METTL15: variants seen among roughly 807,000 people sequenced by gnomAD.
METTL15 encodes the protein 12S rRNA N(4)-cytidine methyltransferase METTL15.
METTL15 carries 34 observed loss-of-function variants against 38.3 expected under a neutral mutation model. That is an observed-to-expected ratio of 0.89 (90% confidence interval 0.68 to 1.18). The LOEUF (loss-of-function observed/expected upper bound fraction) is 1.18. Ranked by LOEUF, METTL15 falls within the 50% of genes most tolerant of loss-of-function variation. METTL15 has a pLI of 0.00. For synonymous variants in METTL15, 162 were observed against 170.9 expected (o/e 0.95, Z 0.41); for missense variants, 438 against 498.4 (o/e 0.88, Z 1.15).
rs1313281295 is a variant in METTL15 at position 28,332,930 on chromosome 11, C to T, written c.*2089C>T. On this transcript the variant is annotated 3_prime_UTR_variant, in exon 7 of 7. Coordinates refer to ENST00000407364, the MANE Select transcript of METTL15 (RefSeq NM_001113528.2). Reference sequence around the variant, plus strand: ...CCAGTGTGAGCAACAGAACGAGACTCTGTCTCAAAAAAAAAAAAAAAAAGG... The same window carrying T: ...CCAGTGTGAGCAACAGAACGAGACTTTGTCTCAAAAAAAAAAAAAAAAAGG... 1 of 93,156 alleles carries T rather than the reference C, an allele frequency of 1.1e-5. No individual in the cohort carries two copies. The highest frequency in any genetic ancestry group is 2.0e-5 in the Non-Finnish European group (1 of 49,526). 5.8% of individuals were successfully genotyped at this position (93,156 alleles called of 1,614,324 possible).
At chr11:28,221,118 A>G (rs1030009014) in intron 4 of METTL15, among the ~76,000 whole-genome samples, 6 of 152,118 alleles carry the variant, frequency 3.9e-5, no homozygotes, top group Admixed American at 3.9e-4. Flanking sequence ...ACCTTGCTAG[A>G]TTGAGGAAGT....
At chr11:28,377,886 C>G (rs1850335632) in intron 5 of METTL15, among the ~76,000 whole-genome samples, 1 of 151,976 alleles carries the variant, frequency 6.6e-6, no homozygotes, top group Non-Finnish European at 1.5e-5. Context: ...ACAGGACCCT[C>G]AGCTGCAGGT....
chr11:28,226,206 G>A (rs1363918222), intron 4 of METTL15, among the ~76,000 whole-genome samples: 5 of 151,846 alleles, frequency 3.3e-5, no homozygotes, highest in Non-Finnish European at 5.9e-5. Context: ...GGTGTGAGTG[G>A]AACATTCTTA....
chr11:28,440,109 G>C (rs573774086), intron 6 of METTL15, among the ~76,000 whole-genome samples: 1 of 152,238 alleles, frequency 6.6e-6, no homozygotes, highest in East Asian at 1.9e-4. Flanking sequence ...GGTCCCCATA[G>C]AAAGCCATGA....
chr11:28,146,943 A>G (rs1238918734), intron 3 of METTL15, among the ~76,000 whole-genome samples: 1 of 151,930 alleles, frequency 6.6e-6, no homozygotes, highest in African/African-American at 2.4e-5. Flanking sequence ...TCATTTATAT[A>G]AAGAATTTTG....
intron 4 of METTL15, among the ~76,000 whole-genome samples, chr11:28,234,074 G>A (rs550137598): frequency 5.3e-5 from 8 of 151,428 alleles, no homozygotes; most frequent in Admixed American, 2.6e-4. Context: ...TTGTCCTTGC[G>A]ATAGTTTACT....
At chr11:28,194,430 C>A (rs1851833682) in intron 3 of METTL15, among the ~76,000 whole-genome samples, 1 of 151,488 alleles carries the variant, frequency 6.6e-6, no homozygotes, top group African/African-American at 2.4e-5. Context: ...GAACTCCTGA[C>A]CTCAGGTGAT....
intron 5 of METTL15, among the ~76,000 whole-genome samples, chr11:28,386,415 C>T (rs1850441373): frequency 6.6e-6 from 1 of 151,574 alleles, no homozygotes; most frequent in Admixed American, 6.6e-5. Flanking sequence ...TAAAAGAGAA[C>T]AGGGTTGATC....
rs112163361 is a variant in METTL15 at position 28,167,666 on chromosome 11, C to T, written c.271-43396C>T. Among the ~76,000 whole-genome samples, 102 of 151,496 alleles carry T rather than the reference C, an allele frequency of 6.7e-4. 1 individual carries two copies. The highest frequency in any genetic ancestry group is 2.4e-3 in the African/African-American group (98 of 41,276). ...GCTTACATAAGATGAGATGGAGTAG[C>T]ATTTCCTATCACAGAATCCCACAGT... On this transcript the variant is annotated intron_variant, in intron 3 of 6. Coordinates refer to ENST00000407364, the MANE Select transcript of METTL15 (RefSeq NM_001113528.2).
intron 3 of METTL15, among the ~76,000 whole-genome samples, chr11:28,122,402 A>C (rs1300389187): frequency 6.8e-6 from 1 of 147,582 alleles, no homozygotes; most frequent in African/African-American, 2.5e-5. Flanking sequence ...CTTTTAGGTA[A>C]ATGAGGTAGT....
rs181120250 is a variant in METTL15, at chr11:28,468,747, C to A, written c.*424+44383C>A. Among the ~76,000 whole-genome samples the A allele has an allele frequency of 2.0e-5, 3 of 152,192 alleles. No individual in the cohort carries two copies. In the East Asian group the frequency reaches 5.8e-4, roughly 29 times the overall value. ...TTCGTGACAGGGGCATTCATACAGG[C>A]CATGGTCTTAGCACACAATTTACAT... On this transcript the variant is annotated intron_variant and NMD_transcript_variant, in intron 6 of 7. Coordinates refer to the METTL15 transcript ENST00000532947.
intron 4 of METTL15, among the ~76,000 whole-genome samples, chr11:28,234,304 C>G (rs1368717960): frequency 6.6e-6 from 1 of 151,710 alleles, no homozygotes; most frequent in Non-Finnish European, 1.5e-5. Context: ...ATTTATAGTC[C>G]TTTGGGTATA....
Position 28,463,764 on chromosome 11 carries a change from T to C in METTL15, c.*424+39400T>C, listed in dbSNP as rs189069362. 2.3e-3 allele frequency among the ~76,000 whole-genome samples: 353 copies of C among 150,962 alleles called. 1 individual carries two copies. The highest frequency in any genetic ancestry group is 7.2e-3 in the African/African-American group (295 of 41,094). ...GACTACCTCTGGTCTCGGTGGCTCC[T>C]GTGGGTTACTAAACTCCACATGGAA... is the stretch of plus-strand genomic sequence containing the variant. On this transcript the variant is annotated intron_variant and NMD_transcript_variant, in intron 6 of 7. Coordinates refer to the METTL15 transcript ENST00000532947.
chr11:28,237,510 T>G (rs1854055694), intron 4 of METTL15, among the ~76,000 whole-genome samples: 1 of 152,176 alleles, frequency 6.6e-6, no homozygotes, highest in Admixed American at 6.5e-5. Flanking sequence ...CGTCTAAATT[T>G]TTTTCAACGT....
At chr11:28,355,346 T>A (rs539880408) in intron 4 of METTL15, among the ~76,000 whole-genome samples, 9 of 152,272 alleles carry the variant, frequency 5.9e-5, no homozygotes, top group Admixed American at 2.0e-4. Flanking sequence ...GGGGGAAAAA[T>A]TTTATTTAAA....
intron 6 of METTL15, among the ~76,000 whole-genome samples, chr11:28,452,752 C>T (rs913958051): frequency 2.6e-5 from 4 of 152,186 alleles, no homozygotes; most frequent in Non-Finnish European, 5.9e-5. Flanking sequence ...GCCTCCATCA[C>T]TGCCCCCGTT....
chr11:28,148,358 A>G (rs1392181393), intron 3 of METTL15, among the ~76,000 whole-genome samples: 1 of 151,838 alleles, frequency 6.6e-6, no homozygotes, highest in Admixed American at 6.6e-5. Context: ...AACATTTTTC[A>G]TGAACAGAGA....
chr11:28,479,420 T>C (rs1851376733), intron 6 of METTL15, among the ~76,000 whole-genome samples: 1 of 152,166 alleles, frequency 6.6e-6, no homozygotes, highest in African/African-American at 2.4e-5. Context: ...GAGATCTTTG[T>C]ATGGTTCCCA....
At chr11:28,293,369 T>TA (rs1392456912) in intron 5 of METTL15, among the ~76,000 whole-genome samples, 1 of 152,202 alleles carries the variant, frequency 6.6e-6, no homozygotes, top group Admixed American at 6.5e-5. Flanking sequence ...TAGTTGTAGA[T>TA]ATGCGGCGTT....
Sources: allele counts gnomAD v4.1 joint callset (sites outside exome capture counted in the v4.1 genomes callset), GRCh38; gene constraint gnomAD v4.1.1; transcripts MANE v1.5; gene names NCBI Gene and HGNC (gene_info 2026-07-23, HGNC 2026-07-21).